RASEF: variants seen among roughly 807,000 people sequenced by gnomAD.
RASEF encodes the protein RAS and EF-hand domain containing.
RASEF carries 68 observed loss-of-function variants against 90.1 expected under a neutral mutation model. The ratio of observed to expected loss-of-function variants is 0.75; its 90% CI spans 0.62 to 0.92. RASEF has a LOEUF of 0.92. Among genes scored for constraint, RASEF ranks in the 40% least tolerant of loss-of-function variants. RASEF has a pLI of 0.00. For synonymous variants in RASEF, 331 were observed against 345.2 expected (o/e 0.96, Z 0.46); for missense variants, 949 against 937.2 (o/e 1.01, Z -0.16).
chr9:83,185,666 C>G, the RASEF span, among the ~76,000 whole-genome samples: 1 of 152,098 alleles, frequency 6.6e-6, no homozygotes, highest in South Asian at 2.1e-4. Flanking sequence ...AAGGCTGTTT[C>G]TCAATATAAG....
At chr9:83,026,102 T>C (rs1295598488) in intron 1 of RASEF, among the ~76,000 whole-genome samples, 181 bp from the exon 2 acceptor site, 1 of 152,060 alleles carries the variant, frequency 6.6e-6, no homozygotes, top group African/African-American at 2.4e-5. Flanking sequence ...TTCCCCACAA[T>C]AGGAGATGGG....
chr9:83,087,928 G>T, the RASEF span, among the ~76,000 whole-genome samples: 3 of 151,990 alleles, frequency 2.0e-5, no homozygotes, highest in Non-Finnish European at 1.5e-5. Flanking sequence ...ATACCATAAG[G>T]TTTGGTAAGT....
the RASEF span, among the ~76,000 whole-genome samples, chr9:83,151,183 G>A: frequency 6.6e-6 from 1 of 151,818 alleles, no homozygotes; most frequent in African/African-American, 2.4e-5. Flanking sequence ...AAAACAGACT[G>A]ACTTTTAATA....
chr9:83,074,808 T>A, the RASEF span, among the ~76,000 whole-genome samples: 1 of 152,218 alleles, frequency 6.6e-6, no homozygotes, highest in Non-Finnish European at 1.5e-5. Flanking sequence ...TGTATTCTCA[T>A]AGCACAAGTT....
the RASEF span, among the ~76,000 whole-genome samples, chr9:83,110,620 G>T: frequency 6.6e-6 from 1 of 152,118 alleles, no homozygotes; most frequent in Non-Finnish European, 1.5e-5. Context: ...AGTCAGAAGA[G>T]ATAGAGCCAA....
chr9:83,055,433 C>T lies in RASEF; in HGVS notation c.431+7004G>A, dbSNP rs531061329. On this transcript the variant is annotated intron_variant, in intron 1 of 16. Transcript: ENST00000376447. ...CACGGTGCGCGCACACACTGGCCTG[C>T]GCCCACTGTCTCGCACTCCGTAGTG... 6.7e-4 allele frequency: 409 copies of T among 614,548 alleles called. 17 individuals are homozygous for T. In the African/African-American group the frequency reaches 7.0e-3, roughly 11 times the overall value. 38.1% of individuals were successfully genotyped at this position (614,548 alleles called of 1,614,324 possible). A position where few individuals can be genotyped will look rare whatever the true frequency, so the allele number is the denominator to read the frequency against.
At chr9:82,984,180 T>G (rs1828670373) in intron 16 of RASEF, among the ~76,000 whole-genome samples, 1 of 152,134 alleles carries the variant, frequency 6.6e-6, no homozygotes, top group Non-Finnish European at 1.5e-5. Flanking sequence ...TAAAAAGAAA[T>G]AGGTAAAATT....
chr9:83,214,626 T>C, the RASEF span, among the ~76,000 whole-genome samples: 4 of 152,056 alleles, frequency 2.6e-5, no homozygotes, highest in Admixed American at 6.5e-5. Flanking sequence ...TGGGAGGTAA[T>C]TGAATCATGG....
At chr9:83,019,031 C>A (rs1420070661) in intron 3 of RASEF, among the ~76,000 whole-genome samples, 1 of 151,794 alleles carries the variant, frequency 6.6e-6, no homozygotes, top group Admixed American at 6.6e-5. Flanking sequence ...TAACCTAAAA[C>A]AATAAAGCTT....
chr9:83,213,918 C>G, the RASEF span, among the ~76,000 whole-genome samples: 1 of 152,142 alleles, frequency 6.6e-6, no homozygotes, highest in South Asian at 2.1e-4. Context: ...TGGTACAGCA[C>G]ATTAAAAATA....
At chr9:83,115,764 C>A in the RASEF span, among the ~76,000 whole-genome samples, 1 of 152,018 alleles carries the variant, frequency 6.6e-6, no homozygotes, top group Non-Finnish European at 1.5e-5. Flanking sequence ...ACTGAGACAG[C>A]ATTTACTTTA....
At chr9:83,090,505 G>C in the RASEF span, among the ~76,000 whole-genome samples, 2 of 152,062 alleles carry the variant, frequency 1.3e-5, no homozygotes, top group East Asian at 3.9e-4. Flanking sequence ...CCAGGTTCAA[G>C]TGATTCTCCT....
chr9:83,217,305 G>A, the RASEF span, among the ~76,000 whole-genome samples: 1 of 152,290 alleles, frequency 6.6e-6, no homozygotes, highest in African/African-American at 2.4e-5. Flanking sequence ...GGACTTTTGA[G>A]TTAATGCTGA....
chr9:82,986,438 T>C (rs1397616745), intron 16 of RASEF, among the ~76,000 whole-genome samples: 1 of 152,230 alleles, frequency 6.6e-6, no homozygotes, highest in African/African-American at 2.4e-5. Flanking sequence ...CTATTGAACA[T>C]AGCATGGGGC....
At chr9:83,110,632 G>A in the RASEF span, among the ~76,000 whole-genome samples, 1 of 152,110 alleles carries the variant, frequency 6.6e-6, no homozygotes, top group African/African-American at 2.4e-5. Flanking sequence ...TAGAGCCAAG[G>A]CCTTAAACAG....
the RASEF span, among the ~76,000 whole-genome samples, chr9:83,201,394 G>A: frequency 6.0e-4 from 91 of 152,326 alleles, no homozygotes; most frequent in African/African-American, 2.1e-3. Context: ...TGCCTTGGAC[G>A]TAGAGGATGC....
the RASEF span, among the ~76,000 whole-genome samples, chr9:83,089,888 TA>T: frequency 1.4e-5 from 2 of 140,410 alleles, no homozygotes; most frequent in African/African-American, 5.4e-5. Context: ...ACTTTATAGA[TA>T]GATGATAGAT....
chr9:83,099,338 C>T, the RASEF span, among the ~76,000 whole-genome samples: 1 of 152,078 alleles, frequency 6.6e-6, no homozygotes, highest in African/African-American at 2.4e-5. Flanking sequence ...TATTGAAAAG[C>T]TTGGCATTCA....
chr9:83,000,178 C>A lies in RASEF; in HGVS notation c.1714G>T (p.Ala572Ser), dbSNP rs766225247. Residue 572 changes from alanine (A) to serine (S), a missense_variant, in exon 12 of 17, where the codon GCC becomes TCC. Transcript: ENST00000376447. ...GAAATACGAGCCATACCCAGGGTGG[C>A]GCTTATATTTTCTCGAAATTCATTC... is the stretch of plus-strand genomic sequence containing the variant. ...CKNEFRENIS[A>S]TLGVDFQMKT... The A allele has an allele frequency of 1.9e-6, 3 of 1,613,452 alleles. No individual in the cohort carries two copies. The highest frequency in any genetic ancestry group is 1.1e-5 in the South Asian group (1 of 90,910).
Sources: gnomAD v4.1 joint callset for allele counts (sites outside exome capture counted in the v4.1 genomes callset) on GRCh38, gnomAD v4.1.1 for gene constraint, MANE v1.5 for transcripts, NCBI Gene and HGNC (gene_info 2026-07-23, HGNC 2026-07-21) for gene names.